The following FAM241A variants were observed in gnomAD, a reference collection of about 807,000 sequenced individuals.
FAM241A encodes family with sequence similarity 241 member A.
In FAM241A, 7 loss-of-function variants were observed where a neutral mutation model predicts 12.2. The observed-to-expected ratio is 0.58, with a 90% CI of 0.33 to 1.08. The LOEUF (loss-of-function observed/expected upper bound fraction) is 1.08, where lower values mean the gene tolerates loss of function less well. Ranked by LOEUF, FAM241A falls within the 50% of genes least tolerant of loss-of-function variation. The pLI is 0.04. For missense variants in FAM241A, 161 were observed against 169.7 expected, an observed-to-expected ratio of 0.95 and a Z score of 0.29; for synonymous variants, 74 against 68.2, an observed-to-expected ratio of 1.08 and a Z score of -0.42.
intron 1 of FAM241A, among the ~76,000 whole-genome samples, chr4:112,155,278 T>G (rs2110421512): frequency 6.6e-6 from 1 of 152,282 alleles, no homozygotes; most frequent in South Asian, 2.1e-4. Flanking sequence ...CAATTATGAC[T>G]TATAATTTTA....
At position 112,165,670 on chromosome 4, in the gene FAM241A, G is replaced by A. The variant is rs145665535; in HGVS notation, c.153+19937G>A. ...AGCCAGGCACAGGAAGACAAACATC[G>A]CATATTCTTACTTACTTGTGGGATC... On this transcript the variant is annotated intron_variant, in intron 1 of 1. Coordinates refer to ENST00000309733, the MANE Select transcript of FAM241A (RefSeq NM_152400.3). Among the ~76,000 whole-genome samples the A allele has an allele frequency of 2.8e-3, 421 of 152,234 alleles. 3 individuals carry two copies. The highest frequency in any genetic ancestry group is 9.1e-3 in the African/African-American group (380 of 41,534).
chr4:112,183,332 C>G (rs2110435064), intron 1 of FAM241A, among the ~76,000 whole-genome samples: 1 of 152,064 alleles, frequency 6.6e-6, no homozygotes, highest in South Asian at 2.1e-4. Context: ...CACAGCTTGC[C>G]CAGACCTGTC....
chr4:112,169,213 T>C (rs1343948629), intron 1 of FAM241A, among the ~76,000 whole-genome samples: 1 of 152,166 alleles, frequency 6.6e-6, no homozygotes, highest in Non-Finnish European at 1.5e-5. Flanking sequence ...TACTCAATGT[T>C]TTTAAGAATC....
chr4:112,171,170 A>T (rs1335878683), intron 1 of FAM241A: 1 of 533,866 alleles, frequency 1.9e-6, no homozygotes, highest in Non-Finnish European at 3.4e-6. Context: ...CCATTTTAAA[A>T]TTATTATTTT....
chr4:112,172,798 G>A (rs1474433428), intron 1 of FAM241A, among the ~76,000 whole-genome samples: 1 of 152,174 alleles, frequency 6.6e-6, no homozygotes, highest in Non-Finnish European at 1.5e-5. Context: ...TAAATGTTAT[G>A]CTGAATATAA....
chr4:112,157,612 T>C (rs890910587), intron 1 of FAM241A, among the ~76,000 whole-genome samples: 4 of 152,076 alleles, frequency 2.6e-5, no homozygotes, highest in Admixed American at 6.5e-5. Context: ...ATACATTCAG[T>C]GTACATGTGA....
intron 1 of FAM241A, among the ~76,000 whole-genome samples, chr4:112,178,584 G>T (rs1015675301): frequency 2.0e-5 from 3 of 152,244 alleles, no homozygotes; most frequent in South Asian, 4.1e-4. Context: ...CCTTGGCAAA[G>T]AATTTTTGGC....
At chr4:112,158,714 G>C (rs537840876) in intron 1 of FAM241A, among the ~76,000 whole-genome samples, 4 of 151,966 alleles carry the variant, frequency 2.6e-5, no homozygotes, top group Non-Finnish European at 5.9e-5. Flanking sequence ...CATTGCTATT[G>C]ATATATAATA....
At chr4:112,159,004 T>C (rs1337676029) in intron 1 of FAM241A, among the ~76,000 whole-genome samples, 1 of 152,218 alleles carries the variant, frequency 6.6e-6, no homozygotes, top group African/African-American at 2.4e-5. Context: ...CTGTTAACTG[T>C]CATTCTACTC....
chr4:112,187,632 A>G lies in FAM241A; in HGVS notation c.*694A>G, dbSNP rs1356285678. On this transcript the variant is annotated 3_prime_UTR_variant, in exon 2 of 2. Transcript: ENST00000309733. ...ACTTTAATATATCATTTGAAGTTTC[A>G]GACAATTTTGGTGCTAATTACTTTT... 2 of 151,048 alleles carry G rather than the reference A, an allele frequency of 1.3e-5. No homozygotes were observed. Among genetic ancestry groups the G allele is most frequent in the African/African-American group, 4.8e-5 (2 of 41,414 alleles). 9.4% of individuals were successfully genotyped at this position (151,048 alleles called of 1,614,324 possible).
intron 1 of FAM241A, among the ~76,000 whole-genome samples, chr4:112,150,505 T>C (rs2110418991): frequency 6.6e-6 from 1 of 152,370 alleles, no homozygotes; most frequent in South Asian, 2.1e-4. Flanking sequence ...CATTTCTATT[T>C]CTTGCCTTTG....
intron 1 of FAM241A, among the ~76,000 whole-genome samples, chr4:112,181,225 C>T (rs982497265): frequency 2.6e-5 from 4 of 152,006 alleles, no homozygotes; most frequent in African/African-American, 9.7e-5. Flanking sequence ...TAAGTAATGT[C>T]CACAACAGAA....
At chr4:112,173,765 A>G (rs1440601157) in intron 1 of FAM241A, among the ~76,000 whole-genome samples, 2 of 152,166 alleles carry the variant, frequency 1.3e-5, no homozygotes, top group African/African-American at 4.8e-5. Flanking sequence ...GCTACCTACC[A>G]TACAGCGTCC....
At chr4:112,146,358 A>G (rs1049407256) in intron 1 of FAM241A, among the ~76,000 whole-genome samples, 3 of 152,248 alleles carry the variant, frequency 2.0e-5, no homozygotes, top group Non-Finnish European at 2.9e-5. Context: ...GCTTTCGGTT[A>G]TAAGAGGCCA....
chr4:112,184,636 A>G (rs1298758909), intron 1 of FAM241A, among the ~76,000 whole-genome samples: 2 of 152,314 alleles, frequency 1.3e-5, no homozygotes, highest in East Asian at 1.9e-4. Flanking sequence ...CTACCTCATC[A>G]GTCCCCCTTG....
chr4:112,165,380 T>C (rs1723572655), intron 1 of FAM241A, among the ~76,000 whole-genome samples: 2 of 152,196 alleles, frequency 1.3e-5, no homozygotes, highest in Non-Finnish European at 2.9e-5. Flanking sequence ...AGCTTCCATA[T>C]AGCCTAGCAA....
intron 1 of FAM241A, among the ~76,000 whole-genome samples, chr4:112,163,959 T>C (rs973089415): frequency 1.3e-5 from 2 of 152,224 alleles, no homozygotes; most frequent in Non-Finnish European, 2.9e-5. Context: ...TTCATCTCCT[T>C]TGTAGGGACA....
intron 1 of FAM241A, among the ~76,000 whole-genome samples, chr4:112,158,210 G>T (rs1253924150): frequency 1.3e-5 from 2 of 152,046 alleles, no homozygotes; most frequent in African/African-American, 4.8e-5. Context: ...GAGTTTAAAT[G>T]ATTCGCTATT....
chr4:112,176,168 A>G (rs541605797), intron 1 of FAM241A, among the ~76,000 whole-genome samples: 8 of 152,338 alleles, frequency 5.3e-5, no homozygotes, highest in African/African-American at 1.7e-4. Context: ...CAATTTCTAT[A>G]TAATTAAATT....
Sources: gnomAD v4.1 joint callset for allele counts (sites outside exome capture counted in the v4.1 genomes callset) on GRCh38, gnomAD v4.1.1 for gene constraint, MANE v1.5 for transcripts, NCBI Gene and HGNC (gene_info 2026-07-23, HGNC 2026-07-21) for gene names.